CIART: variants seen among roughly 807,000 people sequenced by gnomAD.
CIART encodes the protein circadian-associated transcriptional repressor.
In CIART, 7 loss-of-function variants were observed where a neutral mutation model predicts 22.1. The ratio of observed to expected loss-of-function variants is 0.32; its 90% CI spans 0.18 to 0.59. The LOEUF is 0.59. Ranked by LOEUF, CIART falls within the 20% of genes least tolerant of loss-of-function variation. The pLI is 0.86. For missense variants in CIART, 440 were observed against 478.0 expected (o/e 0.92, Z 0.74); for synonymous variants, 163 against 174.6 (o/e 0.93, Z 0.53).
At position 150,283,284 on chromosome 1, in the gene CIART, G is replaced by C. The variant is rs371307436; in HGVS notation, c.17G>C (p.Ser6Thr). Residue 6 changes from serine to threonine, a missense_variant, in exon 1 of 5, where the codon AGC (serine) becomes ACC (threonine). By Grantham distance (58) the Ser-to-Thr change is moderately conservative. Transcript: ENST00000290363. MDSPS[S>T]VSSYSSYSLS... The stretch of plus-strand genomic sequence containing the variant: ...TCTGGACCTATGGATTCTCCATCTA[G>C]CGTTTCTTCCTATTCCTCCTACTCT... 6.6e-7 allele frequency: 1 copy of C among 1,521,298 alleles called. No homozygotes were observed. Among genetic ancestry groups the C allele is most frequent in the African/African-American group, 1.4e-5 (1 of 71,782 alleles). The allele number at this position is 1,521,298 out of a possible 1,614,324, so 94.2% of individuals were successfully genotyped here. A position where few individuals can be genotyped will look rare whatever the true frequency, so the allele number is the denominator to read the frequency against.
chr1:150,284,508 A>G lies in CIART; in HGVS notation c.521+4A>G, dbSNP rs782546947. The G allele has an allele frequency of 1.9e-6, 3 of 1,607,062 alleles. No individual in the cohort carries two copies. Among genetic ancestry groups the G allele is most frequent in the South Asian group, 2.2e-5 (2 of 90,968 alleles). The stretch of plus-strand genomic sequence containing the variant: ...TTTTGCAGAAGCCACAGATGGGGTA[A>G]GTCCCGCTGGTTCTTTGCTTGGGTC... On this transcript the variant is annotated splice_donor_region_variant and intron_variant, in intron 3 of 4. Transcript: ENST00000290363.
At chr1:150,284,003 T>TTTATTGTTGTTATTATTATTA (rs587613531) in intron 2 of CIART, 123 bp downstream of exon 2, 3 of 490,042 alleles carry the variant, frequency 6.1e-6, no homozygotes, top group Middle Eastern at 4.0e-4. Context: ...CTACTATGAC[T>TTTATTGTTGTTATTATTATTA]TTATTATTAT....
chr1:150,284,798 T>C, intron 4 of CIART, 90 bp downstream of exon 4: 3 of 917,284 alleles, frequency 3.3e-6, no homozygotes, highest in South Asian at 1.5e-5. Context: ...CCATTTTCTT[T>C]TGAGTCTTTT....
chr1:150,287,067 G>T lies in CIART; in HGVS notation c.*113G>T. On this transcript the variant is annotated 3_prime_UTR_variant, in exon 5 of 5. Transcript: ENST00000290363. ...TGTTGAGGGAAGATAAATCCTTTCT[G>T]ATTAAAGAAATTTTTTTATACCTAA... 2 of 1,130,674 alleles carry T rather than the reference G, an allele frequency of 1.8e-6. No individual in the cohort carries two copies. Among genetic ancestry groups the T allele is most frequent in the Non-Finnish European group, 1.2e-6 (1 of 851,080 alleles). 70.0% of individuals were successfully genotyped at this position (1,130,674 alleles called of 1,614,324 possible).
chr1:150,283,233 C>G lies in CIART; in HGVS notation c.-35C>G, dbSNP rs782235168. 4.7e-6 allele frequency: 7 copies of G among 1,495,824 alleles called. No individual in the cohort carries two copies. The Admixed American group carries it at 1.6e-4, about 35-fold the overall frequency. 92.7% of individuals were successfully genotyped at this position (1,495,824 alleles called of 1,614,324 possible). A position where few individuals can be genotyped will look rare whatever the true frequency, so the allele number is the denominator to read the frequency against. ...TTGCAGGTTCCGATCTTTGGGTACT[C>G]CAGGAGCTGTTCTATAGCCCCTGCT... On this transcript the variant is annotated 5_prime_UTR_variant, in exon 1 of 5. Coordinates refer to ENST00000290363, the MANE Select transcript of CIART (RefSeq NM_144697.4).
In CIART at chr1:150,286,595, T is replaced by C. The variant is rs199961602; in HGVS notation, c.799T>C (p.Cys267Arg). Residue 267 changes from cysteine to arginine, a missense_variant, in exon 5 of 5, where the codon TGC becomes CGC. Coordinates refer to ENST00000290363, the MANE Select transcript of CIART (RefSeq NM_144697.4). ...NLTWIHTTPI[C>R]NPPLSSPGTI... The stretch of plus-strand genomic sequence containing the variant: ...CACCTGGATCCACACCACTCCAATT[T>C]GCAACCCCCCTCTCAGCTCCCCAGG... The C allele has an allele frequency of 1.2e-6, 2 of 1,608,996 alleles. No individual in the cohort carries two copies. Among genetic ancestry groups the C allele is most frequent in the Non-Finnish European group, 1.7e-6 (2 of 1,175,304 alleles).
chr1:150,284,537 A>AT, intron 3 of CIART, 33 bp downstream of exon 3: 1 of 1,596,930 alleles, frequency 6.3e-7, no homozygotes. Flanking sequence ...TTGGGTCTTC[A>AT]TAAAAAGGAG....
chr1:150,284,782 C>T (rs1228009535), intron 4 of CIART, 74 bp downstream of exon 4: 1 of 1,102,834 alleles, frequency 9.1e-7, no homozygotes. Flanking sequence ...GAAATGGCCC[C>T]TTTTGCCATT....
Position 150,283,401 on chromosome 1 carries a change from G to A in CIART, c.134G>A (p.Arg45Lys), listed in dbSNP as rs1200862427. The change falls in exon 1 of 5, where the codon AGG becomes AAG. Residue 45 changes from arginine (R) to lysine (K), a missense_variant. Coordinates refer to ENST00000290363, the MANE Select transcript of CIART (RefSeq NM_144697.4). ...GAGGACAAGGGGGCCCATGGGCCCAGGCCAGACACTGTTGGGCAGAGGGGA... is the reference window on the plus strand; with the variant it reads ...GAGGACAAGGGGGCCCATGGGCCCAAGCCAGACACTGTTGGGCAGAGGGGA... ...EREDKGAHGP[R>K]PDTVGQRGGS... The A allele has an allele frequency of 6.2e-7, 1 of 1,613,736 alleles. No individual in the cohort carries two copies. Among genetic ancestry groups the A allele is most frequent in the African/African-American group, 1.3e-5 (1 of 74,930 alleles).
chr1:150,283,879 A>G lies in CIART; in HGVS notation c.441A>G (p.Arg147=). 6.4e-7 allele frequency: 1 copy of G among 1,562,396 alleles called. No individual in the cohort carries two copies. The change falls in exon 2 of 5, where the codon AGA becomes AGG. Residue 147 remains arginine (R), a splice_region_variant and synonymous_variant. Transcript: ENST00000290363. The stretch of plus-strand genomic sequence containing the variant: ...GGCTGAAGATGGGTCGTTTTGAGAG[A>G]GGTAATCTTATTGTTGCATTCATTT... ...LNGLKMGRFE[R]GLSSFQQSVA... is the part of the protein sequence containing the mutation.
chr1:150,283,588 C>A lies in CIART; in HGVS notation c.321C>A (p.Asn107Lys). ...SRDGELETSL[N>K]TQGCTTEGDL... ...ATGGTGAACTGGAGACCAGTCTAAA[C>A]ACCCAAGGTTGTACCACAGAGGGAG... Residue 107 changes from asparagine (N) to lysine (K), a missense_variant, in exon 1 of 5, where the codon AAC (asparagine) becomes AAA (lysine). Physicochemically the swap from Asn to Lys is moderately conservative, Grantham distance 94 (BLOSUM62 0). Coordinates refer to ENST00000290363, the MANE Select transcript of CIART (RefSeq NM_144697.4). 1 of 1,613,926 alleles carries A rather than the reference C, an allele frequency of 6.2e-7. No individual in the cohort carries two copies. The highest frequency in any genetic ancestry group is 8.5e-7 in the Non-Finnish European group (1 of 1,179,780).
chr1:150,286,636 C>T lies in CIART; in HGVS notation c.840C>T (p.Ser280=). ...GCTCCCCAGGTACTATCTCCTTTAG[C>T]CATGGTCCTTTAGGCACTGGAACCG... ...PLSSPGTISF[S]HGPLGTGTGI... Residue 280 remains serine, a synonymous_variant, in exon 5 of 5, where the codon AGC becomes AGT. Coordinates refer to ENST00000290363, the MANE Select transcript of CIART (RefSeq NM_144697.4). The T allele has an allele frequency of 1.2e-6, 2 of 1,613,340 alleles. No homozygotes were observed. The highest frequency in any genetic ancestry group is 1.7e-6 in the Non-Finnish European group (2 of 1,179,266).
Position 150,283,299 on chromosome 1 carries a change from C to T in CIART, c.32C>T (p.Ser11Phe), listed in dbSNP as rs928231888. 2.6e-6 allele frequency: 4 copies of T among 1,526,508 alleles called. No individual in the cohort carries two copies. In the African/African-American group the frequency reaches 5.6e-5, roughly 21 times the overall value. 94.6% of individuals were successfully genotyped at this position (1,526,508 alleles called of 1,614,324 possible). Residue 11 changes from serine to phenylalanine, a missense_variant, in exon 1 of 5, where the codon TCC (serine) becomes TTC (phenylalanine). Ser to Phe is a radical substitution (Grantham distance 155, BLOSUM62 -2). Coordinates refer to ENST00000290363, the MANE Select transcript of CIART (RefSeq NM_144697.4). MDSPSSVSSY[S>F]SYSLSSSFPT... ...TCTCCATCTAGCGTTTCTTCCTATTCCTCCTACTCTCTCTCTTCGTCTTTT... is the reference window on the plus strand; with the variant it reads ...TCTCCATCTAGCGTTTCTTCCTATTTCTCCTACTCTCTCTCTTCGTCTTTT...
chr1:150,283,619 C>T lies in CIART; in HGVS notation c.352C>T (p.Leu118=). The part of the protein sequence containing the change: ...TQGCTTEGDL[L]FAQKCKELQG... ...AGGTTGTACCACAGAGGGAGACCTG[C>T]TGTTTGCCCAGAAGGTAAGAGAAAG... is the stretch of plus-strand genomic sequence containing the variant. Residue 118 remains leucine (L), a synonymous_variant, in exon 1 of 5, where the codon CTG becomes TTG. Transcript: ENST00000290363. 6.2e-7 allele frequency: 1 copy of T among 1,613,566 alleles called. No homozygotes were observed. Among genetic ancestry groups the T allele is most frequent in the Non-Finnish European group, 8.5e-7 (1 of 1,179,578 alleles).
chr1:150,284,267 C>T (rs1560052367), intron 2 of CIART, among the ~76,000 whole-genome samples, 159 bp from the exon 3 acceptor site: 1 of 152,214 alleles, frequency 6.6e-6, no homozygotes, highest in Non-Finnish European at 1.5e-5. Flanking sequence ...GATCCACCCA[C>T]CTCAGCCTCC....
At position 150,286,626 on chromosome 1, in the gene CIART, T is replaced by C. The variant is rs1338009149; in HGVS notation, c.830T>C (p.Ile277Thr). 5.6e-6 allele frequency: 9 copies of C among 1,612,156 alleles called. No individual in the cohort carries two copies. Among genetic ancestry groups the C allele is most frequent in the Non-Finnish European group, 6.8e-6 (8 of 1,178,242 alleles). Residue 277 changes from isoleucine to threonine, a missense_variant, in exon 5 of 5, where the codon ATC becomes ACC. Coordinates refer to ENST00000290363, the MANE Select transcript of CIART (RefSeq NM_144697.4). ...CNPPLSSPGT[I>T]SFSHGPLGTG... ...CCCCCTCTCAGCTCCCCAGGTACTA[T>C]CTCCTTTAGCCATGGTCCTTTAGGC...
chr1:150,283,143 C>A lies in CIART; in HGVS notation c.-125C>A, dbSNP rs1653245347. ...AAGTATTATCCCACGCAGTACACCC[C>A]AATCTCCCAGTTCATTTCCTAATCC... On this transcript the variant is annotated 5_prime_UTR_variant, in exon 1 of 5. Coordinates refer to ENST00000290363, the MANE Select transcript of CIART (RefSeq NM_144697.4). The A allele has an allele frequency of 3.9e-6, 4 of 1,034,350 alleles. No homozygotes were observed. The highest frequency in any genetic ancestry group is 4.0e-5 in the South Asian group (2 of 49,490). The allele number at this position is 1,034,350 out of a possible 1,614,324, so 64.1% of individuals were successfully genotyped here. A position where few individuals can be genotyped will look rare whatever the true frequency, so the allele number is the denominator to read the frequency against.
rs782382924 is a variant in CIART, at chr1:150,283,375, G to A, written c.108G>A (p.Arg36=). 8.1e-6 allele frequency: 13 copies of A among 1,603,182 alleles called. No homozygotes were observed. Among genetic ancestry groups the A allele is most frequent in the Admixed American group, 1.7e-5 (1 of 58,104 alleles). The stretch of plus-strand genomic sequence containing the variant: ...TTGGCTTCCCCTCTGATAGTGAGAG[G>A]GAGGACAAGGGGGCCCATGGGCCCA... ...SDFGFPSDSE[R]EDKGAHGPRP... Residue 36 remains arginine, a synonymous_variant, in exon 1 of 5, where the codon AGG becomes AGA. Transcript: ENST00000290363.
intron 4 of CIART, among the ~76,000 whole-genome samples, chr1:150,285,980 A>T (rs1653465837): frequency 6.6e-6 from 1 of 152,150 alleles, no homozygotes; most frequent in Non-Finnish European, 1.5e-5. Flanking sequence ...TCAAATATAA[A>T]ATTTTAAAAA....
Sources: gnomAD v4.1 joint callset for allele counts (sites outside exome capture counted in the v4.1 genomes callset) on GRCh38, gnomAD v4.1.1 for gene constraint, MANE v1.5 for transcripts, NCBI Gene and HGNC (gene_info 2026-07-23, HGNC 2026-07-21) for gene names.